The following RGSL1 variants were observed in gnomAD, a reference collection of about 807,000 sequenced individuals.
RGSL1 encodes regulator of G protein signaling like 1.
A neutral mutation model predicts 124.7 loss-of-function variants in RGSL1; 97 were observed. The observed-to-expected ratio is 0.78, with a 90% CI of 0.66 to 0.92. The LOEUF is 0.92. Ranked by LOEUF, RGSL1 falls within the 40% of genes least tolerant of loss-of-function variation. The probability of loss-of-function intolerance (pLI) is 0.00; values close to 1 mark genes in which losing one functional copy is unlikely to be tolerated. For synonymous variants in RGSL1, 424 were observed against 438.1 expected, an observed-to-expected ratio of 0.97 and a Z score of 0.40; for missense variants, 1,233 against 1,288.4, an observed-to-expected ratio of 0.96 and a Z score of 0.66.
At chr1:182,538,750 A>G (rs924080715) in intron 14 of RGSL1, among the ~76,000 whole-genome samples, 1 of 152,144 alleles carries the variant, frequency 6.6e-6, no homozygotes, top group Admixed American at 6.5e-5. Flanking sequence ...TAACATGTTG[A>G]TAGTGAATGC....
chr1:182,534,403 T>C (rs901817124), intron 14 of RGSL1, among the ~76,000 whole-genome samples: 1 of 152,266 alleles, frequency 6.6e-6, no homozygotes, highest in Admixed American at 6.5e-5. Flanking sequence ...TGGCCATTTG[T>C]ATTCTTTCTT....
In RGSL1 at chr1:182,515,668, G is replaced by C. The variant is rs541228516; in HGVS notation, c.1826-6336G>C. ...ACCAGTGAGGATCCTTCAGCCATTGGGGGAATGGCTCCGCCGGCACGGCAA... is the reference window on the plus strand; with the variant it reads ...ACCAGTGAGGATCCTTCAGCCATTGCGGGAATGGCTCCGCCGGCACGGCAA... On this transcript the variant is annotated intron_variant, in intron 9 of 21. Transcript: ENST00000294854. Among the ~76,000 whole-genome samples the C allele has an allele frequency of 9.8e-5, 15 of 152,340 alleles. No individual in the cohort carries two copies. The South Asian group carries it at 3.1e-3, about 32-fold the overall frequency.
intron 5 of RGSL1, among the ~76,000 whole-genome samples, chr1:182,472,978 G>A (rs1354466216): frequency 6.6e-6 from 1 of 152,118 alleles, no homozygotes; most frequent in African/African-American, 2.4e-5. Context: ...AATTTTATGT[G>A]ATTTACAAAG....
intron 18 of RGSL1, among the ~76,000 whole-genome samples, chr1:182,552,886 C>T (rs1417351297): frequency 2.0e-5 from 3 of 152,172 alleles, no homozygotes; most frequent in Non-Finnish European, 2.9e-5. Context: ...GGGCAGACCC[C>T]TCATAGCTTC....
chr1:182,448,506 G>A (rs567950022), upstream of RGSL1: 1 of 152,270 alleles, frequency 6.6e-6, no homozygotes, highest in South Asian at 2.1e-4. Context: ...TTACAGACGT[G>A]AGCCACTGCA....
At chr1:182,465,063 C>A (rs889586578) in intron 4 of RGSL1, among the ~76,000 whole-genome samples, 2 of 146,848 alleles carry the variant, frequency 1.4e-5, no homozygotes, top group African/African-American at 5.5e-5. Context: ...GGTAACAGAG[C>A]AAGACCCTAT....
chr1:182,548,986 C>A, intron 17 of RGSL1, 162 bp downstream of exon 17: 1 of 806,644 alleles, frequency 1.2e-6, no homozygotes, highest in Non-Finnish European at 1.9e-6. Context: ...CCATCCCTCA[C>A]ACAGAACACC....
intron 9 of RGSL1, among the ~76,000 whole-genome samples, chr1:182,500,150 A>G (rs1245766397): frequency 6.6e-6 from 1 of 152,166 alleles, no homozygotes; most frequent in East Asian, 1.9e-4. Context: ...ATTAGCATCT[A>G]CACTTAAGTT....
intron 2 of RGSL1, among the ~76,000 whole-genome samples, chr1:182,457,146 C>A (rs979122359): frequency 1.2e-4 from 17 of 136,428 alleles, no homozygotes; most frequent in African/African-American, 4.5e-4. Context: ...GACTCCATCT[C>A]AAAAACAAAC....
At chr1:182,485,165 A>G (rs562955310) in intron 6 of RGSL1, among the ~76,000 whole-genome samples, 1 of 152,146 alleles carries the variant, frequency 6.6e-6, no homozygotes, top group Non-Finnish European at 1.5e-5. Flanking sequence ...GGCTGCTGAG[A>G]TCTTCTAGCC....
intron 7 of RGSL1, chr1:182,488,584 G>C (rs1655272149): frequency 4.4e-6 from 2 of 457,928 alleles, no homozygotes; most frequent in Non-Finnish European, 7.9e-6. Context: ...AAATTAGCCG[G>C]GCGTAGTGGC....
chr1:182,532,063 A>G (rs1659212998), intron 13 of RGSL1, among the ~76,000 whole-genome samples: 1 of 152,162 alleles, frequency 6.6e-6, no homozygotes, highest in Non-Finnish European at 1.5e-5. Context: ...AGACAACTGA[A>G]CTAGTTAATC....
At chr1:182,469,311 A>G (rs1455785567) in intron 4 of RGSL1, among the ~76,000 whole-genome samples, 2 of 152,194 alleles carry the variant, frequency 1.3e-5, no homozygotes, top group African/African-American at 2.4e-5. Flanking sequence ...CTAAAACTCA[A>G]CAACAACAAA....
At chr1:182,456,819 A>G (rs1488786635) in intron 2 of RGSL1, among the ~76,000 whole-genome samples, 1 of 152,098 alleles carries the variant, frequency 6.6e-6, no homozygotes, top group African/African-American at 2.4e-5. Context: ...CTTAATTCCC[A>G]TAGTCACCGT....
chr1:182,544,120 T>C (rs1660061836), intron 15 of RGSL1, among the ~76,000 whole-genome samples: 1 of 152,112 alleles, frequency 6.6e-6, no homozygotes, highest in Non-Finnish European at 1.5e-5. Context: ...TCTACTTTTT[T>C]GATGTAAGTA....
Position 182,530,834 on chromosome 1 carries a change from T to C in RGSL1, c.2288T>C (p.Val763Ala), listed in dbSNP as rs945035520. 1 of 1,549,926 alleles carries C rather than the reference T, an allele frequency of 6.5e-7. No individual in the cohort carries two copies. Among genetic ancestry groups the C allele is most frequent in the Non-Finnish European group, 8.7e-7 (1 of 1,146,096 alleles). Residue 763 changes from valine to alanine, a missense_variant, in exon 13 of 22, where the codon GTG becomes GCG. By Grantham distance (64) the Val-to-Ala change is moderately conservative. Coordinates refer to ENST00000294854, the MANE Select transcript of RGSL1 (RefSeq NM_001137669.2). ...QDLFPPHHQEVEVQSEVQISS... is the reference protein window; with the variant it reads ...QDLFPPHHQEAEVQSEVQISS... ...CTGTTCCCACCTCACCATCAGGAGG[T>C]GGAAGTGCAAAGTGAAGTACAAATT...
In RGSL1 at chr1:182,477,167, C is replaced by G. The variant is rs75108645; in HGVS notation, c.1431+2625C>G. 2.4e-3 allele frequency among the ~76,000 whole-genome samples: 361 copies of G among 152,266 alleles called. 1 individual carries two copies. Among genetic ancestry groups the G allele is most frequent in the Non-Finnish European group, 4.5e-3 (309 of 68,030 alleles). Reference sequence around the variant, plus strand: ...GCACCACCCCAGTGGAGTTCAAGACCAAGGAAAGCTGCTTTGAAAAAGCAG... The same window carrying G: ...GCACCACCCCAGTGGAGTTCAAGACGAAGGAAAGCTGCTTTGAAAAAGCAG... On this transcript the variant is annotated intron_variant, in intron 6 of 21. Transcript: ENST00000294854.
chr1:182,507,510 G>T (rs569038961), intron 9 of RGSL1, among the ~76,000 whole-genome samples: 9 of 152,092 alleles, frequency 5.9e-5, no homozygotes, highest in East Asian at 1.9e-4. Context: ...CTTATTTCAC[G>T]TAACATAGTG....
At chr1:182,468,430 T>C (rs1004564632) in intron 4 of RGSL1, among the ~76,000 whole-genome samples, 1 of 152,188 alleles carries the variant, frequency 6.6e-6, no homozygotes, top group Non-Finnish European at 1.5e-5. Flanking sequence ...TGGAATACTA[T>C]GCAGCCATAA....
Sources: allele counts gnomAD v4.1 joint callset (sites outside exome capture counted in the v4.1 genomes callset), GRCh38; gene constraint gnomAD v4.1.1; transcripts MANE v1.5; gene names NCBI Gene and HGNC (gene_info 2026-07-23, HGNC 2026-07-21).